TBL1XR1: variants seen among roughly 807,000 people sequenced by gnomAD.
TBL1XR1 encodes the protein TBL1X/Y related 1, also known as F-box-like/WD repeat-containing protein TBL1XR1.
TBL1XR1 carries 5 observed loss-of-function variants against 66.9 expected under a neutral mutation model. The observed-to-expected ratio is 0.07, with a 90% CI of 0.04 to 0.16. The LOEUF (loss-of-function observed/expected upper bound fraction) is 0.16, where lower values mean the gene tolerates loss of function less well. Among genes scored for constraint, TBL1XR1 ranks in the 10% least tolerant of loss-of-function variants. The pLI is 1.00. For synonymous variants in TBL1XR1, 210 were observed against 206.0 expected (o/e 1.02, Z -0.17); for missense variants, 238 against 623.2 (o/e 0.38, Z 6.58).
intron 7 of TBL1XR1, 42 bp downstream of exon 7, chr3:177,049,955 T>C: frequency 6.2e-7 from 1 of 1,602,622 alleles, no homozygotes; most frequent in Non-Finnish European, 8.5e-7. Flanking sequence ...GAGGGTTAGG[T>C]ATACTAGTAA....
chr3:177,190,607 C>T (rs1454664237), intron 1 of TBL1XR1, among the ~76,000 whole-genome samples: 1 of 152,078 alleles, frequency 6.6e-6, no homozygotes, highest in Non-Finnish European at 1.5e-5. Flanking sequence ...CGTGGGCCAC[C>T]GTACCCAGTC....
chr3:177,180,379 C>G (rs566773009), intron 1 of TBL1XR1, among the ~76,000 whole-genome samples: 6 of 145,868 alleles, frequency 4.1e-5, no homozygotes, highest in African/African-American at 1.5e-4. Context: ...CATTCCCCCC[C>G]CCCCCATTTA....
At chr3:177,082,139 C>T (rs183705686) in intron 2 of TBL1XR1, among the ~76,000 whole-genome samples, 9 of 152,162 alleles carry the variant, frequency 5.9e-5, no homozygotes, top group South Asian at 2.1e-4. Context: ...ATTCTTACAA[C>T]AAAATGGCTA....
intron 1 of TBL1XR1, among the ~76,000 whole-genome samples, chr3:177,134,611 T>C (rs1043225149): frequency 1.3e-5 from 2 of 152,216 alleles, no homozygotes; most frequent in Admixed American, 6.5e-5. Flanking sequence ...TTCCCCCTTA[T>C]GTTTCCTTAA....
intron 5 of TBL1XR1, among the ~76,000 whole-genome samples, 153 bp downstream of exon 5, chr3:177,051,351 C>G (rs1035100317): frequency 6.6e-5 from 10 of 151,912 alleles, no homozygotes; most frequent in African/African-American, 2.2e-4. Flanking sequence ...GGGCACTAGG[C>G]TTAGTACCTG....
intron 2 of TBL1XR1, among the ~76,000 whole-genome samples, chr3:177,070,842 T>A (rs554864878): frequency 1.4e-4 from 21 of 150,504 alleles, no homozygotes; most frequent in African/African-American, 5.2e-4. Context: ...CAAGACTCCG[T>A]CTCAAAAAAA....
chr3:177,185,301 C>T (rs550917262), intron 1 of TBL1XR1, among the ~76,000 whole-genome samples: 1 of 152,252 alleles, frequency 6.6e-6, no homozygotes, highest in African/African-American at 2.4e-5. Context: ...AGTCTTCTAC[C>T]CCTTAAGTTA....
intron 2 of TBL1XR1, among the ~76,000 whole-genome samples, chr3:177,072,825 A>G (rs897057599): frequency 3.3e-5 from 5 of 152,230 alleles, no homozygotes; most frequent in African/African-American, 9.6e-5. Context: ...ACACTTTGAG[A>G]AGCCGAGGCG....
chr3:177,049,922 C>A lies in TBL1XR1; in HGVS notation c.702+75G>T, dbSNP rs546522539. 71 of 1,519,662 alleles carry A rather than the reference C, an allele frequency of 4.7e-5. No individual in the cohort carries two copies. The African/African-American group carries it at 8.6e-4, about 18-fold the overall frequency. 94.1% of individuals were successfully genotyped at this position (1,519,662 alleles called of 1,614,324 possible). ...CCCAAATTCTGAACAAATAGACAAA[C>A]CCTGCCGTGAGTATGAGGCTCTGAG... On this transcript the variant is annotated intron_variant, in intron 7 of 15. Transcript: ENST00000457928.
At chr3:177,176,508 A>T (rs1734172035) in intron 1 of TBL1XR1, among the ~76,000 whole-genome samples, 2 of 150,664 alleles carry the variant, frequency 1.3e-5, no homozygotes, top group African/African-American at 4.9e-5. Context: ...TTAAATGCTA[A>T]TATTATTTAA....
intron 12 of TBL1XR1, among the ~76,000 whole-genome samples, chr3:177,034,903 A>G (rs1209144069): frequency 6.6e-6 from 1 of 151,996 alleles, no homozygotes; most frequent in Non-Finnish European, 1.5e-5. Flanking sequence ...ATTATTTTTG[A>G]GCAAAAATTC....
intron 1 of TBL1XR1, 38 bp from the exon 2 acceptor site, chr3:177,098,579 A>G (rs1723796106): frequency 1.0e-6 from 1 of 959,504 alleles, no homozygotes; most frequent in Non-Finnish European, 1.2e-6. Flanking sequence ...ATGTGCCCTA[A>G]AACAAATTCA....
intron 1 of TBL1XR1, among the ~76,000 whole-genome samples, chr3:177,160,430 C>T (rs573504823): frequency 1.0e-4 from 15 of 150,636 alleles, no homozygotes; most frequent in African/African-American, 3.2e-4. Context: ...GCCAAGATTG[C>T]GCCACTGCAC....
chr3:177,149,722 C>T (rs996279643), intron 1 of TBL1XR1, among the ~76,000 whole-genome samples: 4 of 151,786 alleles, frequency 2.6e-5, no homozygotes, highest in Non-Finnish European at 4.4e-5. Context: ...TTGGGGGGGC[C>T]GGAGGGGGAC....
chr3:177,123,597 A>G (rs1198293904), intron 1 of TBL1XR1, among the ~76,000 whole-genome samples: 2 of 141,030 alleles, frequency 1.4e-5, no homozygotes, highest in African/African-American at 5.3e-5. Flanking sequence ...CTGCTTTAAT[A>G]TTTTACTTTG....
At chr3:177,148,609 G>A (rs1423692751) in intron 1 of TBL1XR1, among the ~76,000 whole-genome samples, 1 of 152,102 alleles carries the variant, frequency 6.6e-6, no homozygotes, top group African/African-American at 2.4e-5. Flanking sequence ...AACCTACTCA[G>A]GAGGCTGAGG....
At chr3:177,055,960 A>C (rs1179597055) in intron 3 of TBL1XR1, among the ~76,000 whole-genome samples, 1 of 152,180 alleles carries the variant, frequency 6.6e-6, no homozygotes, top group Non-Finnish European at 1.5e-5. Context: ...GAGAAAGTAC[A>C]GATTCAAATT....
rs544747828 is a variant in TBL1XR1, at chr3:177,137,268, G to A, written c.-121-38727C>T. Among the ~76,000 whole-genome samples, 3 of 152,342 alleles carry A rather than the reference G, an allele frequency of 2.0e-5. No individual in the cohort carries two copies. The South Asian group carries it at 6.2e-4, about 32-fold the overall frequency. ...AGCACTTTGGGAGGCCAAGACGGGGGATTGCTTGAGCCCAGGAATTCGAGA... is the reference window on the plus strand; with the variant it reads ...AGCACTTTGGGAGGCCAAGACGGGGAATTGCTTGAGCCCAGGAATTCGAGA... On this transcript the variant is annotated intron_variant, in intron 1 of 15. Transcript: ENST00000457928.
intron 10 of TBL1XR1, among the ~76,000 whole-genome samples, chr3:177,042,037 T>C (rs1042789739): frequency 9.2e-5 from 14 of 152,186 alleles, no homozygotes; most frequent in African/African-American, 2.7e-4. Flanking sequence ...CCTCTGCAAA[T>C]ATTTCTTTGT....
Sources: allele counts gnomAD v4.1 joint callset (sites outside exome capture counted in the v4.1 genomes callset), GRCh38; gene constraint gnomAD v4.1.1; transcripts MANE v1.5; gene names NCBI Gene and HGNC (gene_info 2026-07-23, HGNC 2026-07-21).